The following ZNF407 variants were observed in gnomAD, a reference collection of about 807,000 sequenced individuals.
ZNF407 encodes the protein zinc finger protein 407.
In ZNF407, 17 loss-of-function variants were observed where a neutral mutation model predicts 131.2. The ratio of observed to expected loss-of-function variants is 0.13; its 90% CI spans 0.09 to 0.19. The LOEUF (loss-of-function observed/expected upper bound fraction) is 0.19. ZNF407 is among the 10% of genes least tolerant of loss of function. ZNF407 has a pLI of 1.00. For synonymous variants in ZNF407, 1,156 were observed against 1,062.0 expected, an observed-to-expected ratio of 1.09 and a Z score of -1.72; for missense variants, 2,681 against 2,830.6, an observed-to-expected ratio of 0.95 and a Z score of 1.20.
intron 8 of ZNF407, among the ~76,000 whole-genome samples, chr18:74,956,676 G>A (rs1000598724): frequency 9.2e-5 from 14 of 152,116 alleles, no homozygotes; most frequent in African/African-American, 2.7e-4. Context: ...GTTTCATGGA[G>A]GAGAGGCGTG....
rs563832186 is a variant in ZNF407 at position 74,851,418 on chromosome 18, A to T, written c.4878-25779A>T. Among the ~76,000 whole-genome samples, 145 of 152,336 alleles carry T rather than the reference A, an allele frequency of 9.5e-4. 1 individual carries two copies. Among genetic ancestry groups the T allele is most frequent in the African/African-American group, 3.1e-3 (128 of 41,580 alleles). The stretch of plus-strand genomic sequence containing the variant: ...ATTTTCATGATTCTGAAAATTAGAG[A>T]AATGTCATGAGTGGTTACACATTTA... On this transcript the variant is annotated intron_variant, in intron 4 of 8. Coordinates refer to ENST00000299687, the MANE Select transcript of ZNF407 (RefSeq NM_017757.3).
intron 3 of ZNF407, among the ~76,000 whole-genome samples, chr18:74,707,078 G>A (rs1967644155): frequency 6.6e-6 from 1 of 151,696 alleles, no homozygotes; most frequent in Admixed American, 6.6e-5. Context: ...AGTCTCCAGA[G>A]TAGCTTGGAT....
intron 5 of ZNF407, among the ~76,000 whole-genome samples, chr18:74,879,480 C>A (rs1568252577): frequency 6.6e-6 from 1 of 151,982 alleles, no homozygotes; most frequent in Non-Finnish European, 1.5e-5. Context: ...TATTAACGAG[C>A]AAATTGTCTT....
chr18:74,914,522 A>G (rs901794795), intron 7 of ZNF407, among the ~76,000 whole-genome samples: 2 of 152,172 alleles, frequency 1.3e-5, no homozygotes, highest in African/African-American at 4.8e-5. Flanking sequence ...TTCCCAGGTG[A>G]AGATTTTGTG....
chr18:74,691,499 C>G (rs1967222002), intron 3 of ZNF407, among the ~76,000 whole-genome samples: 1 of 151,554 alleles, frequency 6.6e-6, no homozygotes, highest in Non-Finnish European at 1.5e-5. Flanking sequence ...TTTCAAATAA[C>G]TAGCTTTTGG....
chr18:74,914,735 AG>A (rs1302661033), intron 7 of ZNF407, among the ~76,000 whole-genome samples: 1 of 152,144 alleles, frequency 6.6e-6, no homozygotes, highest in African/African-American at 2.4e-5. Context: ...GTTGACACCC[AG>A]GGGTGTTTCC....
chr18:74,910,839 G>T (rs1179108132), intron 7 of ZNF407, among the ~76,000 whole-genome samples: 3 of 152,074 alleles, frequency 2.0e-5, no homozygotes, highest in Non-Finnish European at 4.4e-5. Context: ...TAAACTTAAT[G>T]AACGGGTGGG....
At chr18:74,788,329 G>A (rs569706546) in intron 4 of ZNF407, among the ~76,000 whole-genome samples, 5 of 152,218 alleles carry the variant, frequency 3.3e-5, no homozygotes, top group South Asian at 2.1e-4. Flanking sequence ...TTTTGGGGGC[G>A]TTGTATTGAG....
rs779119827 is a variant in ZNF407 at position 74,951,618 on chromosome 18, G to T, written c.5428+30926G>T. Among the ~76,000 whole-genome samples, 4 of 152,038 alleles carry T rather than the reference G, an allele frequency of 2.6e-5. No individual in the cohort carries two copies. The East Asian group carries it at 5.8e-4, about 22-fold the overall frequency. ...CTACCAGAAAATAACCTTAAACATG[G>T]CATTTTTATTTCAAAATTATTTTAT... On this transcript the variant is annotated intron_variant, in intron 8 of 8. Transcript: ENST00000299687.
chr18:74,605,348 C>T (rs938638573), intron 1 of ZNF407, among the ~76,000 whole-genome samples: 10 of 152,144 alleles, frequency 6.6e-5, no homozygotes, highest in Non-Finnish European at 1.0e-4. Flanking sequence ...CTCTCTGAGC[C>T]TCAGTAACTT....
intron 1 of ZNF407, among the ~76,000 whole-genome samples, chr18:74,607,902 A>G (rs1982879354): frequency 6.6e-6 from 1 of 152,224 alleles, no homozygotes; most frequent in Non-Finnish European, 1.5e-5. Context: ...GAGTATCCCA[A>G]TCACAGGCTC....
At chr18:74,715,225 G>A (rs1238652282) in intron 3 of ZNF407, among the ~76,000 whole-genome samples, 2 of 152,158 alleles carry the variant, frequency 1.3e-5, no homozygotes, top group Admixed American at 1.3e-4. Flanking sequence ...GTTCTCTGAA[G>A]ACTTTCTGAT....
intron 3 of ZNF407, among the ~76,000 whole-genome samples, chr18:74,672,590 CTGTTTGTTGGAG>C (rs1986195753): frequency 6.9e-6 from 1 of 144,258 alleles, no homozygotes; most frequent in African/African-American, 2.9e-5. Flanking sequence ...CACTGTTTGT[CTGTTTGTTGGAG>C]CACTGTTTTT....
intron 4 of ZNF407, among the ~76,000 whole-genome samples, chr18:74,807,995 G>A (rs1679073412): frequency 6.6e-6 from 1 of 152,078 alleles, no homozygotes; most frequent in South Asian, 2.1e-4. Context: ...TGGGATTACA[G>A]GAGTATGCCA....
chr18:74,988,141 T>C (rs2122130519), intron 8 of ZNF407, among the ~76,000 whole-genome samples: 1 of 152,338 alleles, frequency 6.6e-6, no homozygotes, highest in Admixed American at 6.5e-5. Flanking sequence ...TCAGTTGATT[T>C]TCAACAAGAT....
chr18:74,782,501 G>A (rs1969622439), intron 4 of ZNF407, among the ~76,000 whole-genome samples: 1 of 151,994 alleles, frequency 6.6e-6, no homozygotes, highest in Admixed American at 6.6e-5. Context: ...TTGGGATCTT[G>A]GGATGTCTCC....
chr18:74,723,538 G>A (rs1001148827), intron 3 of ZNF407, among the ~76,000 whole-genome samples: 2 of 152,144 alleles, frequency 1.3e-5, no homozygotes, highest in African/African-American at 4.8e-5. Flanking sequence ...AGCTTTAATT[G>A]CCATCTGCCT....
intron 1 of ZNF407, among the ~76,000 whole-genome samples, chr18:74,622,792 CTG>C (rs1035439659): frequency 1.7e-4 from 26 of 150,998 alleles, no homozygotes; most frequent in African/African-American, 3.9e-4. Flanking sequence ...GTCATTGTGT[CTG>C]TGTCTGAATT....
chr18:74,969,058 C>G (rs1318323551), intron 8 of ZNF407, among the ~76,000 whole-genome samples: 1 of 152,182 alleles, frequency 6.6e-6, no homozygotes, highest in Non-Finnish European at 1.5e-5. Flanking sequence ...TGGAGCCCAG[C>G]CAATGATTTT....
Sources: gnomAD v4.1 joint callset for allele counts (sites outside exome capture counted in the v4.1 genomes callset) on GRCh38, gnomAD v4.1.1 for gene constraint, MANE v1.5 for transcripts, NCBI Gene and HGNC (gene_info 2026-07-23, HGNC 2026-07-21) for gene names.